The following ABRAXAS2 variants were observed in gnomAD, a reference collection of about 807,000 sequenced individuals.
The protein encoded by ABRAXAS2 is BRISC complex subunit Abraxas 2.
In ABRAXAS2, 23 loss-of-function variants were observed where a neutral mutation model predicts 49.0. The observed-to-expected ratio is 0.47, with a 90% CI of 0.34 to 0.66. The LOEUF is 0.66. Ranked by LOEUF, ABRAXAS2 falls within the 30% of genes least tolerant of loss-of-function variation. ABRAXAS2 has a pLI of 0.01. For synonymous variants in ABRAXAS2, 168 were observed against 180.2 expected, an observed-to-expected ratio of 0.93 and a Z score of 0.54; for missense variants, 443 against 511.9, an observed-to-expected ratio of 0.87 and a Z score of 1.30.
chr10:124,827,231 C>T (rs1950902678), intron 5 of ABRAXAS2, among the ~76,000 whole-genome samples: 1 of 149,460 alleles, frequency 6.7e-6, no homozygotes, highest in African/African-American at 2.5e-5. Flanking sequence ...GCAATCTCGG[C>T]TCACTGCAAC....
chr10:124,823,487 T>C (rs1589807924), intron 4 of ABRAXAS2, among the ~76,000 whole-genome samples: 3 of 152,358 alleles, frequency 2.0e-5, no homozygotes, highest in Middle Eastern at 6.8e-3. Context: ...ACAAAGCAAG[T>C]AAGGAGGATT....
chr10:124,806,503 C>T (rs984298323), intron 1 of ABRAXAS2, among the ~76,000 whole-genome samples: 1 of 152,132 alleles, frequency 6.6e-6, no homozygotes. Context: ...AAGAAAGCAA[C>T]TTTGAAATAT....
chr10:124,805,677 G>T (rs1490955168), intron 1 of ABRAXAS2, among the ~76,000 whole-genome samples: 1 of 152,158 alleles, frequency 6.6e-6, no homozygotes, highest in African/African-American at 2.4e-5. Flanking sequence ...AGAAGAAAAA[G>T]AATGTAAGGT....
In ABRAXAS2 at chr10:124,810,544, G is replaced by A. The variant is rs773356107; in HGVS notation, c.163+3623G>A. On this transcript the variant is annotated intron_variant, in intron 2 of 8. Transcript: ENST00000298492. ...TCATCTTAAAAGAAAAAAGACTTGCGATGTGTAAGACGGTATAGTTAGTCT... is the reference window on the plus strand; with the variant it reads ...TCATCTTAAAAGAAAAAAGACTTGCAATGTGTAAGACGGTATAGTTAGTCT... Among the ~76,000 whole-genome samples the A allele has an allele frequency of 2.6e-5, 4 of 151,740 alleles. No homozygotes were observed. The South Asian group carries it at 6.2e-4, about 24-fold the overall frequency.
At chr10:124,832,072 G>A (rs1273042287) in intron 8 of ABRAXAS2, among the ~76,000 whole-genome samples, 1 of 151,404 alleles carries the variant, frequency 6.6e-6, no homozygotes, top group Non-Finnish European at 1.5e-5. Flanking sequence ...TCACCATGTT[G>A]GCCAGGCTGG....
chr10:124,834,886 AT>A lies in ABRAXAS2; in HGVS notation c.1164del (p.Asn388LysfsTer30). ...TTGATTGACCCTACAGAGCCTTCTA[AT>A]AGTGAATACTCACATTCAAAGGATT... ...ENLIDPTEPS[N>X]SEYSHSKDSR... On this transcript the variant is annotated frameshift_variant, in exon 9 of 9. Transcript: ENST00000298492. LOFTEE classifies it high-confidence loss of function. The A allele has an allele frequency of 6.2e-7, 1 of 1,614,168 alleles. No individual in the cohort carries two copies. The highest frequency in any genetic ancestry group is 8.5e-7 in the Non-Finnish European group (1 of 1,180,030).
chr10:124,824,333 C>T (rs903133449), intron 4 of ABRAXAS2, among the ~76,000 whole-genome samples: 17 of 152,120 alleles, frequency 1.1e-4, no homozygotes, highest in African/African-American at 3.1e-4. Context: ...GTCAGCAGTT[C>T]GAGACCAGCC....
chr10:124,816,487 T>A (rs1001813871), intron 2 of ABRAXAS2, 89 bp from the exon 3 acceptor site: 2 of 789,026 alleles, frequency 2.5e-6, no homozygotes. Flanking sequence ...TGTCAGAGAT[T>A]TTGATTAAAA....
At chr10:124,818,007 A>G (rs1564921520) in intron 3 of ABRAXAS2, among the ~76,000 whole-genome samples, 1 of 152,200 alleles carries the variant, frequency 6.6e-6, no homozygotes, top group Non-Finnish European at 1.5e-5. Context: ...TTGACTGTCC[A>G]AAGCTTCTCT....
rs773187462 is a variant in ABRAXAS2 at position 124,834,967 on chromosome 10, T to G, written c.1244T>G (p.Ile415Ser). 6.3e-7 allele frequency: 1 copy of G among 1,591,374 alleles called. No individual in the cohort carries two copies. Among genetic ancestry groups the G allele is most frequent in the Non-Finnish European group, 8.5e-7 (1 of 1,171,242 alleles). ...CCCAGGAACACTCAGACCTCCCAGATTTAACTAAACAAAAGAAACTCTCCA... is the reference window on the plus strand; with the variant it reads ...CCCAGGAACACTCAGACCTCCCAGAGTTAACTAAACAAAAGAAACTCTCCA... ...EDPRNTQTSQ[I>S] The change falls in exon 9 of 9, where the codon ATT (isoleucine) becomes AGT (serine). Residue 415 changes from isoleucine to serine, a missense_variant. Transcript: ENST00000298492.
chr10:124,818,733 G>A (rs2134165324), intron 3 of ABRAXAS2, among the ~76,000 whole-genome samples: 1 of 152,280 alleles, frequency 6.6e-6, no homozygotes, highest in Non-Finnish European at 1.5e-5. Flanking sequence ...ATTATACCTG[G>A]ATGCGCACCA....
chr10:124,826,750 C>T lies in ABRAXAS2; in HGVS notation c.423C>T (p.His141=), dbSNP rs770899809. The change falls in exon 5 of 9, where the codon CAC becomes CAT. Residue 141 remains histidine, a synonymous_variant. Transcript: ENST00000298492. ...SFISTANNST[H]ALEYVLFRPN... is the part of the protein sequence containing the mutation. ...TCTCCACTGCCAACAATTCCACTCA[C>T]GCTTTAGAATATGTGCTCTTCAGAC... is the stretch of plus-strand genomic sequence containing the variant. 1.1e-5 allele frequency: 18 copies of T among 1,614,088 alleles called. No homozygotes were observed. The highest frequency in any genetic ancestry group is 2.2e-5 in the South Asian group (2 of 91,090).
At chr10:124,824,102 A>C (rs1329398422) in intron 4 of ABRAXAS2, among the ~76,000 whole-genome samples, 2 of 151,904 alleles carry the variant, frequency 1.3e-5, no homozygotes, top group South Asian at 4.1e-4. Flanking sequence ...GGGTCTTGCT[A>C]TCTGGCTCAG....
intron 7 of ABRAXAS2, 96 bp from the exon 8 acceptor site, chr10:124,831,253 C>A: frequency 2.7e-6 from 2 of 752,576 alleles, no homozygotes; most frequent in South Asian, 1.6e-5. Flanking sequence ...CTCAATAAAC[C>A]ATCTGGACTT....
intron 5 of ABRAXAS2, among the ~76,000 whole-genome samples, chr10:124,827,228 C>T (rs1336650178): frequency 2.0e-5 from 3 of 147,888 alleles, no homozygotes; most frequent in Non-Finnish European, 4.5e-5. Context: ...GGTGCAATCT[C>T]GGCTCACTGC....
At chr10:124,817,189 G>C (rs1014519189) in intron 3 of ABRAXAS2, among the ~76,000 whole-genome samples, 2 of 152,220 alleles carry the variant, frequency 1.3e-5, no homozygotes, top group Non-Finnish European at 2.9e-5. Flanking sequence ...ATATTTGAGA[G>C]ATTGACCAAG....
At chr10:124,814,635 C>G (rs989239034) in intron 2 of ABRAXAS2, among the ~76,000 whole-genome samples, 11 of 151,858 alleles carry the variant, frequency 7.2e-5, no homozygotes, top group African/African-American at 2.7e-4. Context: ...GCTACTGCAC[C>G]TGGCCTTTAT....
In ABRAXAS2 at chr10:124,812,901, T is replaced by C. The variant is rs945654486; in HGVS notation, c.164-3675T>C. Among the ~76,000 whole-genome samples, 17 of 152,160 alleles carry C rather than the reference T, an allele frequency of 1.1e-4. 1 individual carries two copies. Among genetic ancestry groups the C allele is most frequent in the Admixed American group, 9.8e-4 (15 of 15,276 alleles). On this transcript the variant is annotated intron_variant, in intron 2 of 8. Transcript: ENST00000298492. ...ACTCTTTGCAATAAGGAAGACTCAA[T>C]ATAGAATATCACATTTTGGGCTGGG...
chr10:124,805,187 G>A (rs1316256726), intron 1 of ABRAXAS2, among the ~76,000 whole-genome samples: 1 of 151,964 alleles, frequency 6.6e-6, no homozygotes, highest in South Asian at 2.1e-4. Context: ...CAAAAAATTA[G>A]CCGGGCGCGG....
Sources: allele counts gnomAD v4.1 joint callset (sites outside exome capture counted in the v4.1 genomes callset), GRCh38; gene constraint gnomAD v4.1.1; transcripts MANE v1.5; gene names NCBI Gene and HGNC (gene_info 2026-07-23, HGNC 2026-07-21).